The following ZSCAN25 variants were observed in gnomAD, a reference collection of about 807,000 sequenced individuals.
The protein encoded by ZSCAN25 is zinc finger and SCAN domain containing 25, also known as zinc finger and SCAN domain-containing protein 25.
In ZSCAN25, 27 loss-of-function variants were observed where a neutral mutation model predicts 38.7. That is an observed-to-expected ratio of 0.70 (90% confidence interval 0.51 to 0.96). The LOEUF (loss-of-function observed/expected upper bound fraction) is 0.96. Among genes scored for constraint, ZSCAN25 ranks in the 40% least tolerant of loss-of-function variants. ZSCAN25 has a pLI of 0.00. For synonymous variants in ZSCAN25, 273 were observed against 277.7 expected, an observed-to-expected ratio of 0.98 and a Z score of 0.17; for missense variants, 637 against 705.9, an observed-to-expected ratio of 0.90 and a Z score of 1.11.
chr7:99,641,783 A>G, the ZSCAN25 span, among the ~76,000 whole-genome samples: 1 of 152,244 alleles, frequency 6.6e-6, no homozygotes, highest in African/African-American at 2.4e-5. Flanking sequence ...CAAAATATTG[A>G]CAGAGACGGA....
At chr7:99,711,044 G>T in the ZSCAN25 span, 1 of 1,325,232 alleles carries the variant, frequency 7.5e-7, no homozygotes, top group Non-Finnish European at 1.0e-6. Flanking sequence ...TCACTCTGAT[G>T]TGTGTCTTAC....
chr7:99,625,863 G>A (rs1024780250), intron 7 of ZSCAN25, among the ~76,000 whole-genome samples: 54 of 152,168 alleles, frequency 3.5e-4, no homozygotes, highest in African/African-American at 1.2e-3. Flanking sequence ...CATTTCTGCC[G>A]CCAGGTGACA....
chr7:99,700,069 C>CAG, the ZSCAN25 span: 1 of 1,465,490 alleles, frequency 6.8e-7, no homozygotes, highest in South Asian at 1.1e-5. Context: ...TCCTCTGAGT[C>CAG]TTACTTTCAG....
chr7:99,664,488 C>T, the ZSCAN25 span, among the ~76,000 whole-genome samples: 1 of 152,184 alleles, frequency 6.6e-6, no homozygotes, highest in African/African-American at 2.4e-5. Context: ...TGTACATCAA[C>T]TTCCATGGAA....
chr7:99,631,139 C>T lies in ZSCAN25; in HGVS notation c.*1119C>T, dbSNP rs571251697. 4.1e-6 allele frequency: 4 copies of T among 985,396 alleles called. No individual in the cohort carries two copies. The South Asian group carries it at 1.9e-4, about 46-fold the overall frequency. The allele number at this position is 985,396 out of a possible 1,614,324, so 61.0% of individuals were successfully genotyped here. A position where few individuals can be genotyped will look rare whatever the true frequency, so the allele number is the denominator to read the frequency against. ...TGATCTTCAGAACCCGTGGATATTC[C>T]TGCAAATCCTCTGGGCCTGTATTCA... On this transcript the variant is annotated 3_prime_UTR_variant, in exon 8 of 8. Transcript: ENST00000394152.
chr7:99,692,142 C>T, the ZSCAN25 span, among the ~76,000 whole-genome samples: 77 of 152,308 alleles, frequency 5.1e-4, no homozygotes, highest in African/African-American at 1.6e-3. Flanking sequence ...TTTATTTCTC[C>T]TTCACTTATG....
chr7:99,660,475 C>T, the ZSCAN25 span: 3 of 1,577,178 alleles, frequency 1.9e-6, no homozygotes, highest in South Asian at 3.5e-5. Flanking sequence ...CTCTTCCCTT[C>T]ATCTCCAGGG....
chr7:99,618,991 CCTT>C (rs1379264463), intron 2 of ZSCAN25, 54 bp from the exon 3 acceptor site: 3 of 152,260 alleles, frequency 2.0e-5, no homozygotes, highest in South Asian at 2.1e-4. Flanking sequence ...TTTAGAAAAG[CCTT>C]CTTCAAGTCA....
the ZSCAN25 span, among the ~76,000 whole-genome samples, chr7:99,667,808 A>C: frequency 6.6e-6 from 1 of 152,212 alleles, no homozygotes. Flanking sequence ...GATAAAGACA[A>C]TCTGTAAAAA....
the ZSCAN25 span, among the ~76,000 whole-genome samples, chr7:99,643,470 CATT>C: frequency 1.3e-5 from 2 of 151,728 alleles, no homozygotes; most frequent in Admixed American, 6.6e-5. Context: ...GGGGCCAAAT[CATT>C]ATATTCTTCA....
chr7:99,644,183 C>G, the ZSCAN25 span, among the ~76,000 whole-genome samples: 1 of 152,174 alleles, frequency 6.6e-6, no homozygotes, highest in Middle Eastern at 3.4e-3. Flanking sequence ...TGTTTTACAC[C>G]AGGTGCTGTG....
chr7:99,708,955 C>G, the ZSCAN25 span: 3 of 1,484,260 alleles, frequency 2.0e-6, no homozygotes, highest in Non-Finnish European at 2.8e-6. Context: ...ATTGTACAAG[C>G]CCAGACTGTC....
the ZSCAN25 span, chr7:99,707,700 C>T: frequency 3.3e-6 from 5 of 1,524,936 alleles, 1 homozygote; most frequent in Middle Eastern, 3.7e-4. Context: ...ATTCCTTGGC[C>T]CATAGAACAA....
At chr7:99,652,077 C>T in the ZSCAN25 span, among the ~76,000 whole-genome samples, 1 of 151,694 alleles carries the variant, frequency 6.6e-6, no homozygotes, top group Non-Finnish European at 1.5e-5. Context: ...CTAAAGGGCA[C>T]AGCATAGAAA....
the ZSCAN25 span, among the ~76,000 whole-genome samples, chr7:99,726,639 T>C: frequency 6.6e-6 from 1 of 152,358 alleles, no homozygotes; most frequent in African/African-American, 2.4e-5. Context: ...ACAAGGCTTC[T>C]GGGACAGCCC....
the ZSCAN25 span, chr7:99,663,101 A>G: frequency 9.5e-6 from 12 of 1,265,024 alleles, no homozygotes; most frequent in East Asian, 7.3e-5. Context: ...ATCATGTCCA[A>G]TTGCTTTTTC....
Position 99,630,880 on chromosome 7 carries a change from A to G in ZSCAN25, c.*860A>G, listed in dbSNP as rs2151302424. 3.1e-6 allele frequency: 3 copies of G among 982,310 alleles called. No individual in the cohort carries two copies. The highest frequency in any genetic ancestry group is 5.2e-4 in the Middle Eastern group (1 of 1,912). The allele number at this position is 982,310 out of a possible 1,614,324, so 60.8% of individuals were successfully genotyped here. ...AAACAGTTCTCTAGAAAGAACTGTT[A>G]TAATTAAAATGAGTCTGAAAGATGA... On this transcript the variant is annotated 3_prime_UTR_variant, in exon 8 of 8. Transcript: ENST00000394152.
chr7:99,645,783 G>A, the ZSCAN25 span, among the ~76,000 whole-genome samples: 1 of 151,946 alleles, frequency 6.6e-6, no homozygotes, highest in Non-Finnish European at 1.5e-5. Context: ...CATGTCCATT[G>A]CCCATTTTTT....
At chr7:99,624,349 TAG>T (rs1807275253) in intron 7 of ZSCAN25, 169 bp downstream of exon 7, 1 of 720,200 alleles carries the variant, frequency 1.4e-6, no homozygotes, top group Admixed American at 2.9e-5. Context: ...CCTGTGTCAA[TAG>T]AGGAGCCAAA....
Sources: gnomAD v4.1 joint callset for allele counts (sites outside exome capture counted in the v4.1 genomes callset) on GRCh38, gnomAD v4.1.1 for gene constraint, MANE v1.5 for transcripts, NCBI Gene and HGNC (gene_info 2026-07-23, HGNC 2026-07-21) for gene names.